Variants in GPC5 observed in about 807,000 individuals in gnomAD.
GPC5 encodes glypican 5.
GPC5 carries 47 observed loss-of-function variants against 53.9 expected under a neutral mutation model. That is an observed-to-expected ratio of 0.87 (90% CI 0.69 to 1.11). The LOEUF is 1.11. Ranked by LOEUF, GPC5 falls within the 50% of genes most tolerant of loss-of-function variation. The probability of loss-of-function intolerance (pLI) is 0.00; values close to 1 mark genes in which losing one functional copy is unlikely to be tolerated. For synonymous variants in GPC5, 286 were observed against 263.3 expected, an observed-to-expected ratio of 1.09 and a Z score of -0.84; for missense variants, 748 against 713.1, an observed-to-expected ratio of 1.05 and a Z score of -0.56.
In GPC5 at chr13:92,742,050, T is replaced by A. The variant is rs575689786; in HGVS notation, c.1562-124232T>A. On this transcript the variant is annotated intron_variant, in intron 7 of 7. Coordinates refer to ENST00000377067, the MANE Select transcript of GPC5 (RefSeq NM_004466.6). ...AATACTGCCACAATAAACATACGTG[T>A]GCATGTGTCTTTATAGCAGCATGAT... Among the ~76,000 whole-genome samples the A allele has an allele frequency of 2.1e-3, 315 of 152,080 alleles. 1 individual carries two copies. The highest frequency in any genetic ancestry group is 7.4e-3 in the African/African-American group (305 of 41,474).
At chr13:91,706,577 C>A (rs994761790) in intron 3 of GPC5, among the ~76,000 whole-genome samples, 8 of 151,786 alleles carry the variant, frequency 5.3e-5, no homozygotes, top group Non-Finnish European at 1.0e-4. Context: ...ATACTTTGAC[C>A]TAACACACTG....
chr13:92,516,086 T>C (rs1334791122), intron 7 of GPC5, among the ~76,000 whole-genome samples: 1 of 152,112 alleles, frequency 6.6e-6, no homozygotes, highest in African/African-American at 2.4e-5. Flanking sequence ...CTGAGACCCT[T>C]TCTCAGTATT....
At chr13:92,251,850 T>C (rs543222534) in intron 7 of GPC5, among the ~76,000 whole-genome samples, 3 of 152,272 alleles carry the variant, frequency 2.0e-5, no homozygotes, top group East Asian at 3.9e-4. Context: ...TGGCTCATTT[T>C]TAAATCACGT....
intron 7 of GPC5, among the ~76,000 whole-genome samples, chr13:92,219,382 A>G (rs1594008662): frequency 6.6e-6 from 1 of 152,136 alleles, no homozygotes; most frequent in South Asian, 2.1e-4. Flanking sequence ...TTATTCCTGC[A>G]TACATATTGC....
intron 5 of GPC5, among the ~76,000 whole-genome samples, chr13:91,792,813 T>C (rs1413724486): frequency 1.3e-5 from 2 of 152,180 alleles, no homozygotes; most frequent in African/African-American, 4.8e-5. Context: ...ATGCATGTGG[T>C]TGCTACATTT....
At chr13:92,201,041 T>A (rs2042291626) in intron 7 of GPC5, among the ~76,000 whole-genome samples, 1 of 151,900 alleles carries the variant, frequency 6.6e-6, no homozygotes, top group Non-Finnish European at 1.5e-5. Context: ...GCCTTCTCTC[T>A]CTTCCTATTC....
At chr13:92,219,772 C>G (rs1180710432) in intron 7 of GPC5, among the ~76,000 whole-genome samples, 1 of 152,100 alleles carries the variant, frequency 6.6e-6, no homozygotes, top group Non-Finnish European at 1.5e-5. Flanking sequence ...GACTGATCCC[C>G]TCCTGCAACC....
chr13:92,553,255 T>A (rs1223739606), intron 7 of GPC5, among the ~76,000 whole-genome samples: 1 of 151,974 alleles, frequency 6.6e-6, no homozygotes, highest in Non-Finnish European at 1.5e-5. Context: ...TCCAATATGA[T>A]CTCTAGCCCA....
At chr13:92,786,654 A>G (rs1422469489) in intron 7 of GPC5, among the ~76,000 whole-genome samples, 1 of 152,180 alleles carries the variant, frequency 6.6e-6, no homozygotes, top group African/African-American at 2.4e-5. Flanking sequence ...CCCTAAACAC[A>G]GCACAGTAAT....
Position 91,692,150 on chromosome 13 carries a change from C to A in GPC5, c.326-1037C>A, listed in dbSNP as rs959416640. On this transcript the variant is annotated intron_variant, in intron 2 of 7. Coordinates refer to ENST00000377067, the MANE Select transcript of GPC5 (RefSeq NM_004466.6). Reference sequence around the variant, plus strand: ...TTTTGTGGATAAATTGACTTGAGATCATCAGTTATTTAAGTAAGAAACAAA... The same window carrying A: ...TTTTGTGGATAAATTGACTTGAGATAATCAGTTATTTAAGTAAGAAACAAA... Among the ~76,000 whole-genome samples the A allele has an allele frequency of 2.0e-5, 3 of 152,020 alleles. No homozygotes were observed. The East Asian group carries it at 5.8e-4, about 29-fold the overall frequency.
chr13:91,909,324 T>A (rs1323722989), intron 6 of GPC5, among the ~76,000 whole-genome samples: 3 of 152,236 alleles, frequency 2.0e-5, no homozygotes, highest in East Asian at 3.9e-4. Flanking sequence ...AAAATTTGAG[T>A]GCATAATTGA....
intron 6 of GPC5, among the ~76,000 whole-genome samples, chr13:92,119,655 C>T (rs543951780): frequency 2.8e-5 from 4 of 141,942 alleles, no homozygotes; most frequent in Middle Eastern, 4.1e-3. Context: ...CTCCTGACCT[C>T]GTGATCCGCC....
At chr13:92,155,527 TTTG>T (rs1285049172) in intron 7 of GPC5, among the ~76,000 whole-genome samples, 13 of 152,136 alleles carry the variant, frequency 8.5e-5, no homozygotes, top group African/African-American at 3.1e-4. Context: ...GTTTTAATAA[TTTG>T]TTATCTTCTT....
chr13:92,524,002 T>A (rs1027265593), intron 7 of GPC5, among the ~76,000 whole-genome samples: 2 of 152,130 alleles, frequency 1.3e-5, no homozygotes, highest in Admixed American at 6.6e-5. Context: ...ATAGAGGGTC[T>A]TGCCTCAATG....
At chr13:91,880,231 G>A (rs183796297) in intron 5 of GPC5, among the ~76,000 whole-genome samples, 12 of 151,792 alleles carry the variant, frequency 7.9e-5, no homozygotes, top group Non-Finnish European at 1.0e-4. Flanking sequence ...AGTGAAACAC[G>A]TATTTAACTT....
intron 7 of GPC5, among the ~76,000 whole-genome samples, chr13:92,394,691 A>C (rs1055004336): frequency 2.0e-5 from 3 of 152,224 alleles, no homozygotes; most frequent in African/African-American, 7.2e-5. Flanking sequence ...AAAATACTTC[A>C]TGTCATGAAA....
intron 7 of GPC5, among the ~76,000 whole-genome samples, chr13:92,643,801 G>A (rs867971845): frequency 2.3e-4 from 34 of 150,574 alleles, no homozygotes; most frequent in Middle Eastern, 6.8e-3. Context: ...TGGGTGCAGC[G>A]CACCAGCATG....
intron 7 of GPC5, among the ~76,000 whole-genome samples, chr13:92,173,407 A>G (rs1202307617): frequency 1.3e-5 from 2 of 152,138 alleles, no homozygotes; most frequent in Non-Finnish European, 2.9e-5. Flanking sequence ...TTAAACTTTC[A>G]GATTTTACTG....
chr13:92,471,339 T>C (rs1594230253), intron 7 of GPC5, among the ~76,000 whole-genome samples: 1 of 152,218 alleles, frequency 6.6e-6, no homozygotes, highest in African/African-American at 2.4e-5. Context: ...AATTTGGAGA[T>C]GAAATTTAGG....
Sources: allele counts gnomAD v4.1 joint callset (sites outside exome capture counted in the v4.1 genomes callset), GRCh38; gene constraint gnomAD v4.1.1; transcripts MANE v1.5; gene names NCBI Gene and HGNC (gene_info 2026-07-23, HGNC 2026-07-21).